The following PSMD2 variants were observed in gnomAD, a reference collection of about 807,000 sequenced individuals.
PSMD2 encodes proteasome 26S subunit ubiquitin receptor, non-ATPase 2, also known as 26S proteasome non-ATPase regulatory subunit 2.
In PSMD2, 8 loss-of-function variants were observed where a neutral mutation model predicts 101.5. That is an observed-to-expected ratio of 0.08 (90% CI 0.05 to 0.14). The LOEUF (loss-of-function observed/expected upper bound fraction) is 0.14, where lower values mean the gene tolerates loss of function less well. PSMD2 is among the 10% of genes least tolerant of loss of function. PSMD2 has a pLI of 1.00. For synonymous variants in PSMD2, 418 were observed against 433.8 expected (o/e 0.96, Z 0.45); for missense variants, 784 against 1,147.4 (o/e 0.68, Z 4.58).
rs1721639361 is a variant in PSMD2, at chr3:184,301,434, T to G, written c.358-103T>G. On this transcript the variant is annotated intron_variant, in intron 3 of 20. Transcript: ENST00000310118. Reference sequence around the variant, plus strand: ...TAAATTTCTAGTACAGAGATTGGTATGTAGTTAGTTCAGTTTCGGAGACAA... The same window carrying G: ...TAAATTTCTAGTACAGAGATTGGTAGGTAGTTAGTTCAGTTTCGGAGACAA... 7.9e-6 allele frequency: 11 copies of G among 1,392,720 alleles called. 1 individual carries two copies. Among genetic ancestry groups the G allele is most frequent in the African/African-American group, 7.1e-5 (5 of 69,968 alleles). The allele number at this position is 1,392,720 out of a possible 1,614,324, so 86.3% of individuals were successfully genotyped here. A position where few individuals can be genotyped will look rare whatever the true frequency, so the allele number is the denominator to read the frequency against.
In PSMD2 at chr3:184,303,197, G is replaced by GGGGGTAT. The variant is rs1721707495; in HGVS notation, c.1070-122_1070-116dup. 1.9e-5 allele frequency: 29 copies of GGGGGTAT among 1,496,278 alleles called. No homozygotes were observed. The South Asian group carries it at 3.4e-4, about 17-fold the overall frequency. The allele number at this position is 1,496,278 out of a possible 1,614,324, so 92.7% of individuals were successfully genotyped here. On this transcript the variant is annotated intron_variant, in intron 8 of 20. Transcript: ENST00000310118. ...GAATCTTTTTCAGGTCACTGCTTGG[G>GGGGGTAT]GGGGTATAGGTAGAGGATACTAAGG...
chr3:184,308,321 A>C lies in PSMD2; in HGVS notation c.2426-128A>C. On this transcript the variant is annotated intron_variant, in intron 19 of 20. Transcript: ENST00000310118. This position sits in a 1 kb window ranked among gnomAD's most constrained non-coding sequence, Gnocchi z 6.0. ...TCTCTGGTTCGTAGTAGGGTGTATG[A>C]GGGGAGGAGTGTGGATTCAGTCGTA... is the stretch of plus-strand genomic sequence containing the variant. 2.4e-6 allele frequency: 2 copies of C among 845,810 alleles called. No homozygotes were observed. The highest frequency in any genetic ancestry group is 3.7e-6 in the Non-Finnish European group (2 of 535,240). The allele number at this position is 845,810 out of a possible 1,614,324, so 52.4% of individuals were successfully genotyped here. A position where few individuals can be genotyped will look rare whatever the true frequency, so the allele number is the denominator to read the frequency against.
chr3:184,301,528 T>C lies in PSMD2; in HGVS notation c.358-9T>C, dbSNP rs1257042083. 5.6e-6 allele frequency: 9 copies of C among 1,613,056 alleles called. No individual in the cohort carries two copies. Among genetic ancestry groups the C allele is most frequent in the Non-Finnish European group, 7.6e-6 (9 of 1,179,820 alleles). On this transcript the variant is annotated splice_polypyrimidine_tract_variant and intron_variant, in intron 3 of 20. Transcript: ENST00000310118. ...TGGGTTTGACTTCAAAGAACTCTTT[T>C]CTTTATAGCGTTTTGCTGCTGACAT...
At chr3:184,299,989 T>G in intron 2 of PSMD2, 82 bp downstream of exon 2, 6 of 1,233,172 alleles carry the variant, frequency 4.9e-6, no homozygotes, top group African/African-American at 1.5e-5. Flanking sequence ...AACTGCTATG[T>G]ACGGTGGACT....
At chr3:184,306,526 G>A (rs1175108563) in intron 15 of PSMD2, 31 bp downstream of exon 15, 1 of 1,604,410 alleles carries the variant, frequency 6.2e-7, no homozygotes, top group Non-Finnish European at 8.5e-7. Flanking sequence ...CTTGCAGAGA[G>A]GCTGTGAGAA....
chr3:184,300,251 T>C, intron 2 of PSMD2, 29 bp from the exon 3 acceptor site: 1 of 1,594,218 alleles, frequency 6.3e-7, no homozygotes, highest in South Asian at 1.1e-5. Flanking sequence ...TGACTCCTTT[T>C]TGTCTGAGCC....
intron 1 of PSMD2, 87 bp from the exon 2 acceptor site, chr3:184,299,764 G>A: frequency 1.8e-6 from 2 of 1,141,136 alleles, no homozygotes; most frequent in Non-Finnish European, 2.7e-6. Flanking sequence ...AAGGAGGCAG[G>A]CTTATTCTTC....
At position 184,308,887 on chromosome 3, in the gene PSMD2, C is replaced by T; in HGVS notation, c.2724C>T (p.Leu908=). 1.9e-6 allele frequency: 3 copies of T among 1,611,332 alleles called. No homozygotes were observed. Among genetic ancestry groups the T allele is most frequent in the Non-Finnish European group, 2.5e-6 (3 of 1,179,426 alleles). The change falls in exon 21 of 21, where the codon CTC becomes CTT. Residue 908 remains leucine, a synonymous_variant. Coordinates refer to ENST00000310118, the MANE Select transcript of PSMD2 (RefSeq NM_002808.5). The surrounding 1 kb of genome is among the most constrained non-coding windows in gnomAD (Gnocchi z 6.0). Reference sequence around the variant, plus strand: ...TTCGGAAGAACCCCAATTATGATCTCTAAGTGACCACCAGGGGCTCTGAAC... The same window carrying T: ...TTCGGAAGAACCCCAATTATGATCTTTAAGTGACCACCAGGGGCTCTGAAC... The part of the protein sequence containing the change: ...VILRKNPNYD[L]
chr3:184,304,165 C>T lies in PSMD2; in HGVS notation c.1451+91C>T. 1 of 1,570,224 alleles carries T rather than the reference C, an allele frequency of 6.4e-7. No individual in the cohort carries two copies. Among genetic ancestry groups the T allele is most frequent in the Non-Finnish European group, 8.8e-7 (1 of 1,140,998 alleles). On this transcript the variant is annotated intron_variant, in intron 11 of 20. Transcript: ENST00000310118. This position sits in a 1 kb window ranked among gnomAD's most constrained non-coding sequence, Gnocchi z 4.1. ...CCCTTTTCACCCATATTGCCAAGGG[C>T]TACCACTGTGCCTATTGGGTATCTG...
Position 184,308,065 on chromosome 3 carries a change from C to T in PSMD2, c.2425+49C>T, listed in dbSNP as rs1399190128. The T allele has an allele frequency of 1.9e-6, 3 of 1,603,800 alleles. No homozygotes were observed. Among genetic ancestry groups the T allele is most frequent in the Non-Finnish European group, 8.5e-7 (1 of 1,175,762 alleles). On this transcript the variant is annotated intron_variant, in intron 19 of 20. Transcript: ENST00000310118. The surrounding 1 kb of genome is among the most constrained non-coding windows in gnomAD (Gnocchi z 6.0). ...TATCATAGCATGCAGGGCTCTGACT[C>T]CACCCTTTCCAGGGCCACTTTGATA...
chr3:184,308,655 C>T lies in PSMD2; in HGVS notation c.2545-53C>T, dbSNP rs142134685. 7.7e-5 allele frequency: 122 copies of T among 1,589,384 alleles called. No homozygotes were observed. In the East Asian group the frequency reaches 1.8e-3, roughly 24 times the overall value. Reference sequence around the variant, plus strand: ...CTTGCTTTGCTGAAACTGGCGTGGGCGGTGGCTTGTCGCTACTTTTCCATC... The same window carrying T: ...CTTGCTTTGCTGAAACTGGCGTGGGTGGTGGCTTGTCGCTACTTTTCCATC... On this transcript the variant is annotated intron_variant, in intron 20 of 20. Coordinates refer to ENST00000310118, the MANE Select transcript of PSMD2 (RefSeq NM_002808.5). This position sits in a 1 kb window ranked among gnomAD's most constrained non-coding sequence, Gnocchi z 6.0.
At chr3:184,300,599 C>G in intron 3 of PSMD2, 155 bp downstream of exon 3, 1 of 1,420,332 alleles carries the variant, frequency 7.0e-7, no homozygotes, top group Non-Finnish European at 9.2e-7. Flanking sequence ...TACAGAAGAG[C>G]TGAAAGGAAG....
At position 184,306,779 on chromosome 3, in the gene PSMD2, T is replaced by C. The variant is rs1721846054; in HGVS notation, c.1979T>C (p.Ile660Thr). ...GTGGCTGTTCTGGGGATTGCCCTTA[T>C]TGCTATGGGGGAGGAGATTGGTGCA... is the stretch of plus-strand genomic sequence containing the variant. ...QGVAVLGIAL[I>T]AMGEEIGAEM... The change falls in exon 16 of 21, where the codon ATT becomes ACT. Residue 660 changes from isoleucine to threonine, a missense_variant. Coordinates refer to ENST00000310118, the MANE Select transcript of PSMD2 (RefSeq NM_002808.5). The C allele has an allele frequency of 1.2e-6, 2 of 1,614,074 alleles. No homozygotes were observed. The highest frequency in any genetic ancestry group is 1.3e-5 in the African/African-American group (1 of 75,024).
rs1721927434 is a variant in PSMD2 at position 184,308,654 on chromosome 3, G to A, written c.2545-54G>A. The A allele has an allele frequency of 2.5e-6, 4 of 1,590,798 alleles. No individual in the cohort carries two copies. Among genetic ancestry groups the A allele is most frequent in the Non-Finnish European group, 3.4e-6 (4 of 1,160,606 alleles). ...ACTTGCTTTGCTGAAACTGGCGTGG[G>A]CGGTGGCTTGTCGCTACTTTTCCAT... On this transcript the variant is annotated intron_variant, in intron 20 of 20. Coordinates refer to ENST00000310118, the MANE Select transcript of PSMD2 (RefSeq NM_002808.5). The surrounding 1 kb of genome is among the most constrained non-coding windows in gnomAD (Gnocchi z 6.0).
Position 184,306,848 on chromosome 3 carries a change from G to A in PSMD2, c.2034+14G>A, listed in dbSNP as rs760408906. ...TTTGGCCACTTGGTGAGTATAGCAT[G>A]AAGAAAATTGGAATATACTGGTTTT... On this transcript the variant is annotated intron_variant, in intron 16 of 20. Transcript: ENST00000310118. 6.2e-7 allele frequency: 1 copy of A among 1,606,282 alleles called. No homozygotes were observed. The highest frequency in any genetic ancestry group is 1.1e-5 in the South Asian group (1 of 89,984).
In PSMD2 at chr3:184,301,675, T is replaced by G. The variant is rs1248082948; in HGVS notation, c.479+17T>G. On this transcript the variant is annotated intron_variant, in intron 4 of 20. Transcript: ENST00000310118. ...GTATGTCAGGTAAGATCTTTCTTCT[T>G]GGGAATCCGAAGGGGGCTCTGAGGC... 1 of 1,613,842 alleles carries G rather than the reference T, an allele frequency of 6.2e-7. No individual in the cohort carries two copies. The highest frequency in any genetic ancestry group is 1.3e-5 in the African/African-American group (1 of 74,916).
intron 12 of PSMD2, among the ~76,000 whole-genome samples, chr3:184,305,072 C>T (rs755719828): frequency 1.3e-5 from 2 of 152,154 alleles, no homozygotes; most frequent in Non-Finnish European, 2.9e-5. Context: ...TGGATAAATA[C>T]AGCATGGTGG....
At chr3:184,302,145 T>G in intron 5 of PSMD2, 74 bp downstream of exon 5, 1 of 1,481,412 alleles carries the variant, frequency 6.8e-7, no homozygotes. Context: ...GCCTCCTCTA[T>G]TTTCCCAGAG....
chr3:184,305,176 C>T (rs1023022489), intron 12 of PSMD2, among the ~76,000 whole-genome samples: 2 of 152,134 alleles, frequency 1.3e-5, no homozygotes, highest in African/African-American at 4.8e-5. Flanking sequence ...AATTCAATCT[C>T]TTTAGGCCGT....
Sources: gnomAD v4.1 joint callset for allele counts (sites outside exome capture counted in the v4.1 genomes callset) on GRCh38, gnomAD v4.1.1 for gene constraint, Gnocchi (gnomAD v3.1) non-coding constraint, MANE v1.5 for transcripts, NCBI Gene and HGNC (gene_info 2026-07-23, HGNC 2026-07-21) for gene names.